Variants in MACROD2 observed in about 807,000 individuals in gnomAD.
The protein encoded by MACROD2 is ADP-ribose glycohydrolase MACROD2.
In MACROD2, 36 loss-of-function variants were observed where a neutral mutation model predicts 70.4. The observed-to-expected ratio is 0.51, with a 90% confidence interval of 0.39 to 0.68. The LOEUF (loss-of-function observed/expected upper bound fraction) is 0.68, where lower values mean the gene tolerates loss of function less well. MACROD2 is among the 30% of genes least tolerant of loss of function. MACROD2 has a pLI of 0.00. For missense variants in MACROD2, 496 were observed against 538.4 expected, an observed-to-expected ratio of 0.92 and a Z score of 0.78; for synonymous variants, 172 against 178.8, an observed-to-expected ratio of 0.96 and a Z score of 0.30.
In MACROD2 at chr20:14,725,639, G is replaced by A. The variant is rs1043977772; in HGVS notation, c.418+40680G>A. 2.6e-5 allele frequency among the ~76,000 whole-genome samples: 4 copies of A among 152,150 alleles called. No individual in the cohort carries two copies. In the East Asian group the frequency reaches 5.8e-4, roughly 22 times the overall value. On this transcript the variant is annotated intron_variant, in intron 5 of 17. Coordinates refer to ENST00000684519, the MANE Select transcript of MACROD2 (RefSeq NM_001351661.2). ...AGTAGAAAGTGAGGCAATGGAAGGA[G>A]AGGAAGCCAGCAAAGCTTGTGTTTT...
intron 3 of MACROD2, among the ~76,000 whole-genome samples, chr20:14,336,417 C>G (rs1568565304): frequency 6.6e-6 from 1 of 152,112 alleles, no homozygotes; most frequent in Non-Finnish European, 1.5e-5. Flanking sequence ...CTGTTGCACT[C>G]TTTACCTATA....
chr20:15,696,058 C>T (rs2050364055), intron 8 of MACROD2, among the ~76,000 whole-genome samples: 1 of 152,128 alleles, frequency 6.6e-6, no homozygotes, highest in Non-Finnish European at 1.5e-5. Context: ...TGATTGCTCC[C>T]TCTAGGACTT....
At chr20:14,066,443 GTC>G (rs2053758302) in intron 2 of MACROD2, among the ~76,000 whole-genome samples, 1 of 152,180 alleles carries the variant, frequency 6.6e-6, no homozygotes. Flanking sequence ...AGTCTTGAAA[GTC>G]TGTCCATTTT....
chr20:15,526,601 T>G (rs541911316), intron 8 of MACROD2, among the ~76,000 whole-genome samples: 2 of 152,302 alleles, frequency 1.3e-5, no homozygotes, highest in Admixed American at 6.5e-5. Flanking sequence ...CTGATTTGAC[T>G]TTTTACTGAG....
intron 8 of MACROD2, among the ~76,000 whole-genome samples, chr20:15,727,453 G>GT (rs1311049529): frequency 1.4e-5 from 1 of 70,704 alleles, no homozygotes; most frequent in South Asian, 6.0e-4. Context: ...TTATAAAATA[G>GT]TTTTTTTCTG....
At chr20:15,459,335 G>A (rs1422921543) in intron 7 of MACROD2, among the ~76,000 whole-genome samples, 1 of 151,974 alleles carries the variant, frequency 6.6e-6, no homozygotes, top group Non-Finnish European at 1.5e-5. Context: ...AAGTATTATG[G>A]ATGCTCATTT....
At chr20:15,092,412 T>A (rs948663034) in intron 5 of MACROD2, among the ~76,000 whole-genome samples, 1 of 148,462 alleles carries the variant, frequency 6.7e-6, no homozygotes, top group Non-Finnish European at 1.5e-5. Context: ...TATAATTAAA[T>A]ATTTTCATTA....
intron 6 of MACROD2, among the ~76,000 whole-genome samples, chr20:15,285,634 G>A (rs1436248687): frequency 6.6e-6 from 1 of 152,150 alleles, no homozygotes; most frequent in East Asian, 1.9e-4. Context: ...GAACTCATGG[G>A]AGGGTACATA....
chr20:15,946,017 G>A (rs2065817883), intron 12 of MACROD2, among the ~76,000 whole-genome samples: 1 of 152,066 alleles, frequency 6.6e-6, no homozygotes, highest in South Asian at 2.1e-4. Context: ...CTAGCTGCTT[G>A]GTCCACCTCA....
intron 5 of MACROD2, among the ~76,000 whole-genome samples, chr20:15,138,152 A>G (rs994093333): frequency 2.3e-4 from 35 of 152,270 alleles, no homozygotes; most frequent in African/African-American, 8.2e-4. Flanking sequence ...GAGTTTTTGC[A>G]TATGTATATT....
intron 12 of MACROD2, among the ~76,000 whole-genome samples, chr20:15,946,881 G>A (rs572390937): frequency 3.9e-5 from 6 of 152,234 alleles, no homozygotes; most frequent in Admixed American, 1.3e-4. Flanking sequence ...AGAGGAATGC[G>A]GCAGGAGAGC....
chr20:15,627,641 T>C (rs1600685899), intron 8 of MACROD2, among the ~76,000 whole-genome samples: 1 of 151,890 alleles, frequency 6.6e-6, no homozygotes, highest in Non-Finnish European at 1.5e-5. Flanking sequence ...GCAAGGTTGG[T>C]GGGGGCCAGG....
intron 8 of MACROD2, among the ~76,000 whole-genome samples, chr20:15,656,063 C>T (rs1476210652): frequency 6.6e-6 from 1 of 152,156 alleles, no homozygotes; most frequent in Middle Eastern, 3.2e-3. Context: ...GTGGATTTAA[C>T]TCCCCTATTG....
At chr20:15,036,705 C>T (rs34708015) in intron 5 of MACROD2, among the ~76,000 whole-genome samples, 2,754 of 152,164 alleles carry the variant, frequency 0.018, 37 homozygotes, top group Middle Eastern at 0.041. Flanking sequence ...AACTCACCAT[C>T]ATCTTTCTAT....
At chr20:15,642,602 ACACAC>A (rs2049478010) in intron 8 of MACROD2, among the ~76,000 whole-genome samples, 2 of 364 alleles carry the variant, frequency 5.5e-3, no homozygotes, top group Non-Finnish European at 8.0e-3. Flanking sequence ...TCATGAACAC[ACACAC>A]ACACACACAC....
chr20:15,714,121 C>T (rs925198588), intron 8 of MACROD2, among the ~76,000 whole-genome samples: 2 of 151,990 alleles, frequency 1.3e-5, no homozygotes, highest in Non-Finnish European at 2.9e-5. Context: ...TTTAACTATG[C>T]ACATTAAAAA....
intron 6 of MACROD2, among the ~76,000 whole-genome samples, chr20:15,309,821 G>A (rs1488293162): frequency 3.9e-5 from 6 of 152,112 alleles, no homozygotes; most frequent in Non-Finnish European, 2.9e-5. Context: ...ATTTTTGCTA[G>A]GTATTGAAGA....
chr20:14,558,606 T>C (rs987057062), intron 4 of MACROD2, among the ~76,000 whole-genome samples: 2 of 151,758 alleles, frequency 1.3e-5, no homozygotes, highest in East Asian at 3.9e-4. Context: ...ATTGTATAAT[T>C]ATAAAAAGAA....
chr20:14,214,882 CT>C (rs1313675891), intron 3 of MACROD2, among the ~76,000 whole-genome samples: 1 of 151,836 alleles, frequency 6.6e-6, no homozygotes, highest in East Asian at 1.9e-4. Context: ...AGTTACTTCA[CT>C]TAGAAAAATA....
Sources: gnomAD v4.1 joint callset for allele counts (sites outside exome capture counted in the v4.1 genomes callset) on GRCh38, gnomAD v4.1.1 for gene constraint, MANE v1.5 for transcripts, NCBI Gene and HGNC (gene_info 2026-07-23, HGNC 2026-07-21) for gene names.